Variants in RAB11A observed in about 807,000 individuals in gnomAD.
RAB11A encodes the protein ras-related protein Rab-11A.
In RAB11A, 9 loss-of-function variants were observed where a neutral mutation model predicts 28.0. That is an observed-to-expected ratio of 0.32 (90% confidence interval 0.19 to 0.56). The LOEUF (loss-of-function observed/expected upper bound fraction) is 0.56, where lower values mean the gene tolerates loss of function less well. Among genes scored for constraint, RAB11A ranks in the 20% least tolerant of loss-of-function variants. RAB11A has a pLI of 0.91. For missense variants in RAB11A, 108 were observed against 269.6 expected (o/e 0.40, Z 4.20); for synonymous variants, 85 against 88.2 (o/e 0.96, Z 0.20).
rs2078297111 is a variant in RAB11A, at chr15:65,891,608, A to C, written c.*3768A>C. ...TTCGAACTCTGTAATTCTCTGAATG[A>C]ACTCTCTCTTCAATTAAAGCCAAAT... is the stretch of plus-strand genomic sequence containing the variant. On this transcript the variant is annotated 3_prime_UTR_variant, in exon 5 of 5. Coordinates refer to ENST00000261890, the MANE Select transcript of RAB11A (RefSeq NM_004663.5). 1 of 152,224 alleles carries C rather than the reference A, an allele frequency of 6.6e-6. No homozygotes were observed. The highest frequency in any genetic ancestry group is 1.9e-4 in the East Asian group (1 of 5,204). 9.4% of individuals were successfully genotyped at this position (152,224 alleles called of 1,614,324 possible).
rs1453354198 is a variant in RAB11A at position 65,884,774 on chromosome 15, C to A, written c.512-2927C>A. 8.2e-5 allele frequency among the ~76,000 whole-genome samples: 12 copies of A among 146,648 alleles called. No homozygotes were observed. In the South Asian group the frequency reaches 8.6e-4, roughly 11 times the overall value. Reference sequence around the variant, plus strand: ...GTGTGTCATTAAAAAAAAAAAAAAACCAAACCAAAAACCTGATAAGAAAGT... The same window carrying A: ...GTGTGTCATTAAAAAAAAAAAAAAAACAAACCAAAAACCTGATAAGAAAGT... On this transcript the variant is annotated intron_variant, in intron 4 of 4. Transcript: ENST00000261890.
chr15:65,887,550 C>A, intron 4 of RAB11A, 151 bp from the exon 5 acceptor site: 1 of 688,910 alleles, frequency 1.5e-6, no homozygotes, highest in Non-Finnish European at 2.2e-6. Context: ...TAATCAGTGG[C>A]TGTTTGAAAA....
Position 65,877,257 on chromosome 15 carries a change from A to G in RAB11A, c.41-75A>G, listed in dbSNP as rs2078196345. The stretch of plus-strand genomic sequence containing the variant: ...TTTATTTACTCTGAAGCCAAACTTC[A>G]TTCTGTTGAAAGCATAGTGGTGTTC... On this transcript the variant is annotated intron_variant, in intron 1 of 4. Coordinates refer to ENST00000261890, the MANE Select transcript of RAB11A (RefSeq NM_004663.5). The surrounding 1 kb of genome is among the most constrained non-coding windows in gnomAD (Gnocchi z 4.1). 7.9e-7 allele frequency: 1 copy of G among 1,261,678 alleles called. No individual in the cohort carries two copies. The highest frequency in any genetic ancestry group is 1.1e-6 in the Non-Finnish European group (1 of 914,944). The allele number at this position is 1,261,678 out of a possible 1,614,324, so 78.2% of individuals were successfully genotyped here.
chr15:65,885,133 G>GTTT (rs56815495), intron 4 of RAB11A, among the ~76,000 whole-genome samples: 31 of 129,326 alleles, frequency 2.4e-4, no homozygotes, highest in East Asian at 1.6e-3. Context: ...CATTTATACA[G>GTTT]TTTTTTTTTT....
intron 4 of RAB11A, among the ~76,000 whole-genome samples, chr15:65,883,794 C>T (rs988422559): frequency 7.2e-5 from 11 of 151,980 alleles, no homozygotes; most frequent in South Asian, 2.1e-4. Flanking sequence ...TCACGTGATT[C>T]GCCTGGCCTC....
At chr15:65,871,919 GTTTTTTT>G (rs960414631) in intron 1 of RAB11A, among the ~76,000 whole-genome samples, 11 of 72,054 alleles carry the variant, frequency 1.5e-4, no homozygotes, top group African/African-American at 2.8e-4. Context: ...GGTTTTGTCA[GTTTTTTT>G]TTTTTTTTTT....
At chr15:65,879,634 A>G (rs1173922358) in intron 3 of RAB11A, 37 bp from the exon 4 acceptor site, 21 of 1,492,000 alleles carry the variant, frequency 1.4e-5, no homozygotes, top group Non-Finnish European at 1.9e-5. Flanking sequence ...CCTTGTTTTA[A>G]AACTTAACAA....
intron 4 of RAB11A, among the ~76,000 whole-genome samples, chr15:65,881,205 CT>C: frequency 6.6e-6 from 1 of 152,208 alleles, no homozygotes; most frequent in East Asian, 1.9e-4. Context: ...CAAAGTTTCA[CT>C]GCAGATTGTT....
Position 65,877,270 on chromosome 15 carries a change from C to T in RAB11A, c.41-62C>T. On this transcript the variant is annotated intron_variant, in intron 1 of 4. Transcript: ENST00000261890. The surrounding 1 kb of genome is among the most constrained non-coding windows in gnomAD (Gnocchi z 4.1). ...AAGCCAAACTTCATTCTGTTGAAAG[C>T]ATAGTGGTGTTCTGAATATGTTTGC... 1 of 1,340,954 alleles carries T rather than the reference C, an allele frequency of 7.5e-7. No homozygotes were observed. Among genetic ancestry groups the T allele is most frequent in the South Asian group, 1.3e-5 (1 of 74,244 alleles). The allele number at this position is 1,340,954 out of a possible 1,614,324, so 83.1% of individuals were successfully genotyped here.
intron 3 of RAB11A, among the ~76,000 whole-genome samples, chr15:65,878,548 G>A (rs1218826312): frequency 6.6e-5 from 10 of 152,118 alleles, no homozygotes; most frequent in African/African-American, 1.9e-4. Flanking sequence ...GCGCGGTGGC[G>A]GGCGCCTGTA....
At chr15:65,880,651 A>G (rs1032575121) in intron 4 of RAB11A, among the ~76,000 whole-genome samples, 1 of 152,150 alleles carries the variant, frequency 6.6e-6, no homozygotes, top group Non-Finnish European at 1.5e-5. Context: ...TTAACATGTT[A>G]TCTTCTTTTA....
intron 1 of RAB11A, among the ~76,000 whole-genome samples, chr15:65,872,658 T>C (rs2078169500): frequency 6.6e-6 from 1 of 152,044 alleles, no homozygotes; most frequent in Non-Finnish European, 1.5e-5. Flanking sequence ...GGTCTCGAAC[T>C]CCTGACCTCA....
intron 3 of RAB11A, among the ~76,000 whole-genome samples, chr15:65,878,822 G>A (rs989716215): frequency 3.3e-5 from 5 of 152,126 alleles, no homozygotes; most frequent in Non-Finnish European, 5.9e-5. Context: ...TACAACATAC[G>A]GAATACTATA....
In RAB11A at chr15:65,877,973, C is replaced by A; in HGVS notation, c.430+18C>A. The stretch of plus-strand genomic sequence containing the variant: ...TTTTGCAGGTTAGTGATAGGAATTC[C>A]ATGATATTTCTTACCATTGTGTCTT... On this transcript the variant is annotated intron_variant, in intron 3 of 4. Transcript: ENST00000261890. The surrounding 1 kb of genome is among the most constrained non-coding windows in gnomAD (Gnocchi z 4.1). The A allele has an allele frequency of 6.3e-7, 1 of 1,593,872 alleles. No homozygotes were observed. The highest frequency in any genetic ancestry group is 8.6e-7 in the Non-Finnish European group (1 of 1,161,718).
intron 1 of RAB11A, among the ~76,000 whole-genome samples, chr15:65,873,398 T>C (rs2078175043): frequency 6.6e-6 from 1 of 152,176 alleles, no homozygotes; most frequent in Non-Finnish European, 1.5e-5. Context: ...CATCAGCTGA[T>C]TGTCAGTAGA....
chr15:65,891,730 A>C lies in RAB11A; in HGVS notation c.*3890A>C, dbSNP rs986952319. ...TTGGTCTTATCACAATAACCTGATT[A>C]AAATGGTGCCTTTATTTCCATGTTT... On this transcript the variant is annotated 3_prime_UTR_variant, in exon 5 of 5. Transcript: ENST00000261890. 2 of 152,260 alleles carry C rather than the reference A, an allele frequency of 1.3e-5. No individual in the cohort carries two copies. Among genetic ancestry groups the C allele is most frequent in the African/African-American group, 4.8e-5 (2 of 41,468 alleles). 9.4% of individuals were successfully genotyped at this position (152,260 alleles called of 1,614,324 possible).
intron 1 of RAB11A, among the ~76,000 whole-genome samples, chr15:65,871,362 A>G (rs2078160011): frequency 6.6e-6 from 1 of 152,240 alleles, no homozygotes; most frequent in Non-Finnish European, 1.5e-5. Flanking sequence ...GGCCTGGATT[A>G]CAAAAAGTAT....
chr15:65,872,421 A>T (rs114556389), intron 1 of RAB11A, among the ~76,000 whole-genome samples: 4,018 of 151,290 alleles, frequency 0.027, 208 homozygotes, highest in African/African-American at 0.093. Flanking sequence ...AATTCTGCTA[A>T]GGAGGATTTC....
chr15:65,880,677 C>T (rs2078216561), intron 4 of RAB11A, among the ~76,000 whole-genome samples: 1 of 152,090 alleles, frequency 6.6e-6, no homozygotes, highest in Admixed American at 6.5e-5. Context: ...AAAATGTAAG[C>T]GTAAAGTCAA....
Sources: allele counts gnomAD v4.1 joint callset (sites outside exome capture counted in the v4.1 genomes callset), GRCh38; gene constraint gnomAD v4.1.1; non-coding constraint Gnocchi (gnomAD v3.1); transcripts MANE v1.5; gene names NCBI Gene and HGNC (gene_info 2026-07-23, HGNC 2026-07-21).